The following EYS variants were observed in gnomAD, a reference collection of about 807,000 sequenced individuals.
EYS encodes EGF-like photoreceptor maintenance factor.
Under a neutral mutation model 282.1 loss-of-function variants are expected in EYS, and 250 were observed. The observed-to-expected ratio is 0.89, with a 90% CI of 0.80 to 0.98. The LOEUF is 0.98. EYS is among the 50% of genes least tolerant of loss of function. EYS has a pLI of 0.00. For missense variants in EYS, 4,016 were observed against 3,709.0 expected, an observed-to-expected ratio of 1.08 and a Z score of -2.15; for synonymous variants, 1,355 against 1,282.9, an observed-to-expected ratio of 1.06 and a Z score of -1.20.
rs1004397960 is a variant in EYS at position 65,020,560 on chromosome 6, G to A, written c.2138-22857C>T. On this transcript the variant is annotated intron_variant, in intron 13 of 42. Coordinates refer to ENST00000503581, the MANE Select transcript of EYS (RefSeq NM_001142800.2). ...CTGCTTTCACAGGCTGGCATTGGGTGTCTGCTACTTTTCCAGGGGCACGGT... is the reference window on the plus strand; with the variant it reads ...CTGCTTTCACAGGCTGGCATTGGGTATCTGCTACTTTTCCAGGGGCACGGT... Among the ~76,000 whole-genome samples, 3 of 152,210 alleles carry A rather than the reference G, an allele frequency of 2.0e-5. No homozygotes were observed. The East Asian group carries it at 5.8e-4, about 29-fold the overall frequency.
intron 12 of EYS, among the ~76,000 whole-genome samples, chr6:65,266,439 G>T (rs778439008): frequency 6.6e-6 from 1 of 151,710 alleles, no homozygotes; most frequent in Non-Finnish European, 1.5e-5. Context: ...TTGATGCATG[G>T]CACCTAAAAG....
chr6:64,403,650 C>T (rs957935453), intron 28 of EYS, among the ~76,000 whole-genome samples: 9 of 152,076 alleles, frequency 5.9e-5, no homozygotes, highest in African/African-American at 2.2e-4. Context: ...AGCTACTGTG[C>T]CCACCCTGAA....
intron 12 of EYS, among the ~76,000 whole-genome samples, chr6:65,080,340 G>T (rs1007642525): frequency 1.3e-5 from 2 of 152,060 alleles, no homozygotes; most frequent in Admixed American, 6.6e-5. Context: ...TTGTTTTCCT[G>T]GCCATGTAGG....
chr6:64,374,707 G>C (rs1772509747), intron 29 of EYS, among the ~76,000 whole-genome samples: 1 of 152,148 alleles, frequency 6.6e-6, no homozygotes, highest in African/African-American at 2.4e-5. Context: ...TGGCATACAA[G>C]AGCTGCTGCT....
At chr6:64,255,743 G>A (rs7747790) in intron 30 of EYS, among the ~76,000 whole-genome samples, 104,176 of 151,542 alleles carry the variant, frequency 0.69, 35,809 homozygotes, top group South Asian at 0.71. Flanking sequence ...GAACACACAC[G>A]TATTAAAACG....
intron 35 of EYS, among the ~76,000 whole-genome samples, chr6:63,924,444 G>T (rs1007043711): frequency 1.3e-5 from 2 of 152,222 alleles, no homozygotes; most frequent in Non-Finnish European, 2.9e-5. Context: ...GATAACTTCT[G>T]CATAGTGTTT....
chr6:65,414,686 C>A (rs1767162847), intron 5 of EYS, among the ~76,000 whole-genome samples: 1 of 151,838 alleles, frequency 6.6e-6, no homozygotes, highest in Non-Finnish European at 1.5e-5. Context: ...ATGTTAATTT[C>A]AAGATATTTA....
intron 14 of EYS, among the ~76,000 whole-genome samples, chr6:64,975,049 T>C (rs1770429499): frequency 6.6e-6 from 1 of 151,870 alleles, no homozygotes; most frequent in Non-Finnish European, 1.5e-5. Context: ...TCTTTTCTCA[T>C]ATATTTAGTA....
chr6:64,320,723 A>T (rs1009222497), intron 29 of EYS, among the ~76,000 whole-genome samples: 2 of 151,398 alleles, frequency 1.3e-5, no homozygotes, highest in South Asian at 4.2e-4. Flanking sequence ...TTTCCCACAA[A>T]TTTTTTCCAT....
In EYS at chr6:63,857,494, T is replaced by C. The variant is rs187735860; in HGVS notation, c.7228+6692A>G. The C allele has an allele frequency of 1.4e-5, 3 of 220,856 alleles. No homozygotes were observed. The East Asian group carries it at 3.3e-4, about 24-fold the overall frequency. The allele number at this position is 220,856 out of a possible 1,614,324, so 13.7% of individuals were successfully genotyped here. On this transcript the variant is annotated intron_variant, in intron 36 of 42. Transcript: ENST00000503581. ...GGATTCCCTGAAGTGCCCGGCTTAC[T>C]CTTCAAAGCCATAAGTACTATTTCT...
At chr6:65,148,771 C>A (rs1232631043) in intron 12 of EYS, among the ~76,000 whole-genome samples, 1 of 152,116 alleles carries the variant, frequency 6.6e-6, no homozygotes, top group African/African-American at 2.4e-5. Context: ...GACATCCAGG[C>A]ATTTCCATAC....
chr6:64,725,949 C>G (rs1771740031), intron 22 of EYS, among the ~76,000 whole-genome samples: 1 of 152,108 alleles, frequency 6.6e-6, no homozygotes, highest in Non-Finnish European at 1.5e-5. Context: ...AACCCAAAAC[C>G]TTTATCACTA....
rs114475008 is a variant in EYS at position 64,444,392 on chromosome 6, C to T, written c.5645-5040G>A. Among the ~76,000 whole-genome samples, 1,429 of 152,066 alleles carry T rather than the reference C, an allele frequency of 9.4e-3. 25 individuals are homozygous for T. Among genetic ancestry groups the T allele is most frequent in the African/African-American group, 0.033 (1,357 of 41,490 alleles). On this transcript the variant is annotated intron_variant, in intron 26 of 42. Coordinates refer to ENST00000503581, the MANE Select transcript of EYS (RefSeq NM_001142800.2). ...TCTAATACCATTTTTCACAACATTTCGAAGTCTTTTCATATTATTTTATAG... is the reference window on the plus strand; with the variant it reads ...TCTAATACCATTTTTCACAACATTTTGAAGTCTTTTCATATTATTTTATAG...
intron 12 of EYS, among the ~76,000 whole-genome samples, chr6:65,149,187 A>C (rs1279153352): frequency 6.6e-6 from 1 of 151,550 alleles, no homozygotes; most frequent in African/African-American, 2.4e-5. Flanking sequence ...TTTTCTTTTC[A>C]ATTGCATCAT....
intron 35 of EYS, among the ~76,000 whole-genome samples, chr6:63,892,177 GC>G (rs1438481323): frequency 2.0e-5 from 3 of 152,186 alleles, no homozygotes; most frequent in Admixed American, 6.5e-5. Context: ...TAAATTTGAT[GC>G]TATTCCCATC....
chr6:64,590,346 C>T lies in EYS; in HGVS notation c.5521G>A (p.Glu1841Lys). 1.3e-6 allele frequency: 2 copies of T among 1,551,176 alleles called. No homozygotes were observed. The highest frequency in any genetic ancestry group is 1.7e-6 in the Non-Finnish European group (2 of 1,146,664). Reference sequence around the variant, plus strand: ...TGATATTGCACACTAGGCTGAAGTTCCCATTTGGACCATTCTGAAGAAGTC... The same window carrying T: ...TGATATTGCACACTAGGCTGAAGTTTCCATTTGGACCATTCTGAAGAAGTC... ...VKTSSEWSKW[E>K]LQPSVQYQEF... is the part of the protein sequence containing the mutation. The change falls in exon 26 of 43, where the codon GAA becomes AAA. Residue 1841 changes from glutamate (E) to lysine (K), a missense_variant. Coordinates refer to ENST00000503581, the MANE Select transcript of EYS (RefSeq NM_001142800.2).
intron 19 of EYS, among the ~76,000 whole-genome samples, chr6:64,859,176 T>C (rs1766158919): frequency 6.7e-6 from 1 of 150,088 alleles, no homozygotes; most frequent in South Asian, 2.1e-4. Context: ...AACATTTCTA[T>C]ATGCTAATAA....
chr6:64,576,438 G>C (rs1338319402), intron 26 of EYS, among the ~76,000 whole-genome samples: 7 of 151,916 alleles, frequency 4.6e-5, no homozygotes, highest in Non-Finnish European at 1.0e-4. Flanking sequence ...GATTAAGACA[G>C]GTTAATATAC....
intron 6 of EYS, among the ~76,000 whole-genome samples, chr6:65,403,744 T>C (rs1766607856): frequency 6.6e-6 from 1 of 151,908 alleles, no homozygotes; most frequent in African/African-American, 2.4e-5. Flanking sequence ...AAAAATAGAA[T>C]TAAAGTACTT....
Sources: allele counts gnomAD v4.1 joint callset (sites outside exome capture counted in the v4.1 genomes callset), GRCh38; gene constraint gnomAD v4.1.1; transcripts MANE v1.5; gene names NCBI Gene and HGNC (gene_info 2026-07-23, HGNC 2026-07-21).